The following TET1 variants were observed in gnomAD, a reference collection of about 807,000 sequenced individuals.
TET1 encodes methylcytosine dioxygenase TET1.
In TET1, 13 loss-of-function variants were observed where a neutral mutation model predicts 148.7. The ratio of observed to expected loss-of-function variants is 0.09; its 90% CI spans 0.06 to 0.14. The LOEUF (loss-of-function observed/expected upper bound fraction) is 0.14. TET1 is among the 10% of genes least tolerant of loss of function. TET1 has a pLI of 1.00. For missense variants in TET1, 2,182 were observed against 2,553.8 expected (o/e 0.85, Z 3.14); for synonymous variants, 907 against 937.2 (o/e 0.97, Z 0.59).
intron 8 of TET1, among the ~76,000 whole-genome samples, chr10:68,678,217 T>A (rs1318943641): frequency 6.6e-6 from 1 of 152,170 alleles, no homozygotes; most frequent in Non-Finnish European, 1.5e-5. Context: ...GAGGGGATAA[T>A]GGTCACTTAA....
At chr10:68,656,525 G>A (rs1035107176) in intron 6 of TET1, among the ~76,000 whole-genome samples, 5 of 152,190 alleles carry the variant, frequency 3.3e-5, no homozygotes, top group African/African-American at 9.6e-5. Context: ...GCCTCCCAAA[G>A]TGCTAAAATA....
intron 3 of TET1, chr10:68,632,371 A>G: frequency 6.3e-7 from 1 of 1,599,206 alleles, no homozygotes; most frequent in South Asian, 1.1e-5. Context: ...AGTAGTCCTC[A>G]TGGCCTCCAC....
intron 8 of TET1, 143 bp downstream of exon 8, chr10:68,673,188 T>A: frequency 2.0e-6 from 1 of 501,586 alleles, no homozygotes; most frequent in Non-Finnish European, 3.1e-6. Flanking sequence ...ATTTCTATTA[T>A]ATAAGTAAAT....
chr10:68,590,520 G>A (rs10998311), intron 2 of TET1, among the ~76,000 whole-genome samples: 23,583 of 152,064 alleles, frequency 0.16, 1,997 homozygotes, highest in South Asian at 0.24. Flanking sequence ...CTTGCTCATG[G>A]TCCCATCATT....
chr10:68,654,351 C>T (rs1016336634), intron 6 of TET1, among the ~76,000 whole-genome samples: 5 of 152,034 alleles, frequency 3.3e-5, no homozygotes, highest in Admixed American at 2.6e-4. Flanking sequence ...CGCAGTGGCT[C>T]ACGCCTGTAA....
At chr10:68,643,720 G>T (rs939718549) in intron 3 of TET1, among the ~76,000 whole-genome samples, 1 of 151,678 alleles carries the variant, frequency 6.6e-6, no homozygotes, top group African/African-American at 2.4e-5. Context: ...AGGCTGAGGA[G>T]GAAAATTGCT....
At chr10:68,594,088 GC>G (rs1189471011) in intron 2 of TET1, among the ~76,000 whole-genome samples, 17 of 151,306 alleles carry the variant, frequency 1.1e-4, no homozygotes, top group Admixed American at 7.9e-4. Flanking sequence ...ACCATGCCTG[GC>G]TAATTTTTGT....
chr10:68,645,931 G>T lies in TET1; in HGVS notation c.3202G>T (p.Ala1068Ser), dbSNP rs772453601. The T allele has an allele frequency of 1.2e-6, 2 of 1,613,960 alleles. No homozygotes were observed. Among genetic ancestry groups the T allele is most frequent in the Admixed American group, 1.7e-5 (1 of 59,968 alleles). ...LDSDDLSCQD[A>S]THTQIEEDVA... is the part of the protein sequence containing the mutation. ...CTCAGATGATCTATCATGTCAGGAT[G>T]CAACCCATACCCAAATTGAGGAAGA... The change falls in exon 4 of 12, where the codon GCA becomes TCA. Residue 1068 changes from alanine to serine, a missense_variant. By Grantham distance (99) the Ala-to-Ser change is moderately conservative. This residue lies in a region of TET1 where 582 missense variants were observed against 599.5 expected (regional missense o/e 0.97). Transcript: ENST00000373644.
At chr10:68,613,656 G>T (rs2054248196) in intron 3 of TET1, among the ~76,000 whole-genome samples, 1 of 152,176 alleles carries the variant, frequency 6.6e-6, no homozygotes, top group African/African-American at 2.4e-5. Context: ...CTACTGGTTG[G>T]CCGGACACAG....
At chr10:68,632,070 A>T (rs1401678436) in intron 3 of TET1, among the ~76,000 whole-genome samples, 1 of 152,022 alleles carries the variant, frequency 6.6e-6, no homozygotes, top group East Asian at 1.9e-4. Context: ...CATGCCTGTA[A>T]TCGCAGCACT....
chr10:68,623,474 T>G (rs1476315799), intron 3 of TET1, among the ~76,000 whole-genome samples: 1 of 152,204 alleles, frequency 6.6e-6, no homozygotes, highest in Non-Finnish European at 1.5e-5. Flanking sequence ...TGGCAAAGGT[T>G]GAGGAATCAC....
At chr10:68,619,388 C>T (rs1327119540) in intron 3 of TET1, among the ~76,000 whole-genome samples, 1 of 152,080 alleles carries the variant, frequency 6.6e-6, no homozygotes, top group Non-Finnish European at 1.5e-5. Context: ...CACCACCACA[C>T]CTGGCTTTTT....
Position 68,584,575 on chromosome 10 carries a change from G to A in TET1, c.1914+10323G>A, listed in dbSNP as rs1165529327. Among the ~76,000 whole-genome samples, 541 of 151,368 alleles carry A rather than the reference G, an allele frequency of 3.6e-3. 2 individuals are homozygous for A. The highest frequency in any genetic ancestry group is 0.013 in the African/African-American group (524 of 41,370). The stretch of plus-strand genomic sequence containing the variant: ...AATGCAAAAATTAGCCAGGCGTGGT[G>A]GCATGCACCTGTAATCCCAGCTATG... On this transcript the variant is annotated intron_variant, in intron 2 of 11. Transcript: ENST00000373644.
At chr10:68,613,648 A>G (rs2054248026) in intron 3 of TET1, among the ~76,000 whole-genome samples, 1 of 152,140 alleles carries the variant, frequency 6.6e-6, no homozygotes, top group Non-Finnish European at 1.5e-5. Context: ...CAAAAACACT[A>G]CTGGTTGGCC....
intron 2 of TET1, among the ~76,000 whole-genome samples, chr10:68,587,498 A>T (rs2053873802): frequency 6.6e-6 from 1 of 152,174 alleles, no homozygotes; most frequent in Admixed American, 6.6e-5. Flanking sequence ...CTTATTTCCC[A>T]TTTTCTAGAG....
intron 3 of TET1, among the ~76,000 whole-genome samples, chr10:68,639,374 A>C (rs1477984968): frequency 6.6e-6 from 1 of 151,812 alleles, no homozygotes; most frequent in Non-Finnish European, 1.5e-5. Flanking sequence ...GTGAGCTGAG[A>C]TCTTGCCACT....
At chr10:68,632,246 C>A in intron 3 of TET1, 1 of 766,980 alleles carries the variant, frequency 1.3e-6, no homozygotes. Context: ...GGCGTGAACC[C>A]GGGAGGCGGA....
rs77223505 is a variant in TET1, at chr10:68,659,218, C to T, written c.4461+6624C>T. 8.5e-3 allele frequency among the ~76,000 whole-genome samples: 1,294 copies of T among 152,300 alleles called. 17 individuals are homozygous for T. Among genetic ancestry groups the T allele is most frequent in the African/African-American group, 0.029 (1,213 of 41,568 alleles). ...TAGAAGAAGTCAAACAGTGGATGGCCTCATTGGCCCCAATGCCTGAGTGCT... is the reference window on the plus strand; with the variant it reads ...TAGAAGAAGTCAAACAGTGGATGGCTTCATTGGCCCCAATGCCTGAGTGCT... On this transcript the variant is annotated intron_variant, in intron 6 of 11. Transcript: ENST00000373644.
Position 68,645,263 on chromosome 10 carries a change from A to G in TET1, c.2534A>G (p.His845Arg), listed in dbSNP as rs2054823290. ...IPHSSHSIIN[H>R]HASIHNEGDQ... ...CATTCTTCACACTCCATCATAAATC[A>G]TCATGCTAGTATACACAATGAAGGT... The change falls in exon 4 of 12, where the codon CAT (histidine) becomes CGT (arginine). Residue 845 changes from histidine to arginine, a missense_variant. Transcript: ENST00000373644. The G allele has an allele frequency of 2.5e-6, 4 of 1,614,038 alleles. No individual in the cohort carries two copies. The highest frequency in any genetic ancestry group is 2.2e-5 in the East Asian group (1 of 44,898).
Sources: allele counts gnomAD v4.1 joint callset (sites outside exome capture counted in the v4.1 genomes callset), GRCh38; gene constraint gnomAD v4.1.1; regional missense constraint gnomAD v4.1.1; transcripts MANE v1.5; gene names NCBI Gene and HGNC (gene_info 2026-07-23, HGNC 2026-07-21).